Variants in NELL1 observed in about 807,000 individuals in gnomAD.
The protein encoded by NELL1 is neural EGFL like 1, also known as protein kinase C-binding protein NELL1.
Under a neutral mutation model 107.4 loss-of-function variants are expected in NELL1, and 76 were observed. The observed-to-expected ratio is 0.71, with a 90% CI of 0.59 to 0.86. The LOEUF is 0.86. Among genes scored for constraint, NELL1 ranks in the 40% least tolerant of loss-of-function variants. The probability of loss-of-function intolerance (pLI) is 0.00; values close to 1 mark genes in which losing one functional copy is unlikely to be tolerated. For missense variants in NELL1, 1,024 were observed against 1,005.5 expected (o/e 1.02, Z -0.25); for synonymous variants, 353 against 341.2 (o/e 1.03, Z -0.38).
At chr11:20,744,625 C>A (rs1855964079) in intron 2 of NELL1, among the ~76,000 whole-genome samples, 1 of 152,258 alleles carries the variant, frequency 6.6e-6, no homozygotes, top group African/African-American at 2.4e-5. Flanking sequence ...TGGGGCAGCA[C>A]ATACTCAGGG....
chr11:21,541,867 C>G (rs1050151140), intron 16 of NELL1, among the ~76,000 whole-genome samples: 2 of 152,042 alleles, frequency 1.3e-5, no homozygotes, highest in Non-Finnish European at 2.9e-5. Flanking sequence ...CACCTCAGTT[C>G]CCTCACCTGT....
chr11:21,563,079 C>G (rs1856888411), intron 17 of NELL1, among the ~76,000 whole-genome samples: 1 of 152,012 alleles, frequency 6.6e-6, no homozygotes, highest in South Asian at 2.1e-4. Context: ...GATTGCTGCA[C>G]AGCTTAAAAC....
At chr11:20,914,357 C>A (rs1429787) in intron 5 of NELL1, among the ~76,000 whole-genome samples, 150 of 152,100 alleles carry the variant, frequency 9.9e-4, no homozygotes, top group African/African-American at 3.4e-3. Flanking sequence ...GTAGGACAAC[C>A]AGAAGGGTGG....
chr11:21,260,415 A>G (rs952463965), intron 14 of NELL1: 1 of 151,962 alleles, frequency 6.6e-6, no homozygotes, highest in African/African-American at 2.4e-5. Context: ...GAAGCCCAGT[A>G]TAATGTGACT....
chr11:21,463,473 G>A (rs1302662720), intron 15 of NELL1, among the ~76,000 whole-genome samples: 1 of 152,048 alleles, frequency 6.6e-6, no homozygotes, highest in East Asian at 1.9e-4. Flanking sequence ...AAATCTAAAA[G>A]TATATTTGCT....
At chr11:21,503,045 C>T (rs575540427) in intron 15 of NELL1, among the ~76,000 whole-genome samples, 1 of 152,106 alleles carries the variant, frequency 6.6e-6, no homozygotes, top group African/African-American at 2.4e-5. Context: ...CCATGCCTGG[C>T]TAATTTTGTA....
chr11:20,682,113 A>G (rs1013916781), intron 2 of NELL1, among the ~76,000 whole-genome samples: 2 of 152,044 alleles, frequency 1.3e-5, no homozygotes, highest in African/African-American at 4.8e-5. Context: ...TTTGGGGCCC[A>G]TTATTCTATC....
intron 15 of NELL1, among the ~76,000 whole-genome samples, chr11:21,503,689 C>T (rs1038495037): frequency 2.0e-5 from 3 of 152,058 alleles, no homozygotes; most frequent in Admixed American, 1.3e-4. Context: ...GTAGCTGGGT[C>T]GCTGGGTATA....
intron 12 of NELL1, among the ~76,000 whole-genome samples, chr11:20,990,947 C>T (rs888788983): frequency 6.7e-6 from 1 of 150,084 alleles, no homozygotes; most frequent in African/African-American, 2.5e-5. Context: ...CTGTGGGTAT[C>T]TTCTGGTGGT....
rs138642455 is a variant in NELL1 at position 21,022,519 on chromosome 11, A to G, written c.1300+61959A>G. On this transcript the variant is annotated intron_variant, in intron 12 of 19. Coordinates refer to ENST00000357134, the MANE Select transcript of NELL1 (RefSeq NM_006157.5). ...ATGGGACTAAGTCCAAAGTTGCATC[A>G]GTTGCTTTAATTTTCTCTTTCCAAT... is the stretch of plus-strand genomic sequence containing the variant. Among the ~76,000 whole-genome samples the G allele has an allele frequency of 6.6e-5, 10 of 152,276 alleles. No homozygotes were observed. The East Asian group carries it at 1.5e-3, about 24-fold the overall frequency.
intron 4 of NELL1, among the ~76,000 whole-genome samples, chr11:20,867,852 C>A (rs1849124076): frequency 6.6e-6 from 1 of 152,068 alleles, no homozygotes; most frequent in South Asian, 2.1e-4. Context: ...GGTTGCTTGG[C>A]TGACTTATTT....
At chr11:20,729,095 G>T (rs1011759155) in intron 2 of NELL1, among the ~76,000 whole-genome samples, 3 of 151,148 alleles carry the variant, frequency 2.0e-5, no homozygotes, top group Non-Finnish European at 4.4e-5. Context: ...TCTTGAATTG[G>T]CTCTCAGCTT....
intron 19 of NELL1, among the ~76,000 whole-genome samples, chr11:21,574,510 A>G (rs1048398407): frequency 2.0e-5 from 3 of 151,840 alleles, no homozygotes; most frequent in African/African-American, 7.2e-5. Context: ...TATCCCCTTC[A>G]TAGTCACCAT....
chr11:21,059,255 G>T (rs1183787588), intron 12 of NELL1, among the ~76,000 whole-genome samples: 4 of 97,282 alleles, frequency 4.1e-5, no homozygotes, highest in African/African-American at 1.1e-4. Flanking sequence ...CACAGAACAA[G>T]TTTTGTTTTG....
Position 21,007,120 on chromosome 11 carries a change from G to C in NELL1, c.1300+46560G>C, listed in dbSNP as rs374023682. Among the ~76,000 whole-genome samples the C allele has an allele frequency of 1.4e-4, 21 of 152,156 alleles. No homozygotes were observed. The South Asian group carries it at 4.3e-3, about 32-fold the overall frequency. On this transcript the variant is annotated intron_variant, in intron 12 of 19. Coordinates refer to ENST00000357134, the MANE Select transcript of NELL1 (RefSeq NM_006157.5). ...TTGAGCAAGGAAGGATTCTATTCCA[G>C]ACTTAATCCTCCATCCTGTCTCATA... is the stretch of plus-strand genomic sequence containing the variant.
chr11:20,878,766 A>G (rs972759534), intron 4 of NELL1, among the ~76,000 whole-genome samples: 2 of 152,262 alleles, frequency 1.3e-5, no homozygotes, highest in Non-Finnish European at 2.9e-5. Context: ...TTTTATAGCT[A>G]TCTGACTGTA....
At chr11:21,409,042 A>G (rs1852303049) in intron 15 of NELL1, among the ~76,000 whole-genome samples, 1 of 152,034 alleles carries the variant, frequency 6.6e-6, no homozygotes, top group Non-Finnish European at 1.5e-5. Flanking sequence ...AGGGATCTAG[A>G]ACTAGAAATA....
At chr11:21,001,591 C>T (rs189126985) in intron 12 of NELL1, among the ~76,000 whole-genome samples, 4 of 152,014 alleles carry the variant, frequency 2.6e-5, no homozygotes, top group Admixed American at 2.6e-4. Context: ...GATGCTGAGA[C>T]CGAGCTAGAG....
chr11:21,384,595 C>G (rs571918536), intron 15 of NELL1, among the ~76,000 whole-genome samples: 2 of 151,926 alleles, frequency 1.3e-5, no homozygotes, highest in Non-Finnish European at 2.9e-5. Context: ...ATCCCTCCCG[C>G]CTCTCCCCAC....
Sources: gnomAD v4.1 joint callset for allele counts (sites outside exome capture counted in the v4.1 genomes callset) on GRCh38, gnomAD v4.1.1 for gene constraint, MANE v1.5 for transcripts, NCBI Gene and HGNC (gene_info 2026-07-23, HGNC 2026-07-21) for gene names.